The following VAV3 variants were observed in gnomAD, a reference collection of about 807,000 sequenced individuals.
The protein encoded by VAV3 is vav guanine nucleotide exchange factor 3.
VAV3 carries 94 observed loss-of-function variants against 131.2 expected under a neutral mutation model. The ratio of observed to expected loss-of-function variants is 0.72; its 90% CI spans 0.61 to 0.85. The LOEUF is 0.85. Ranked by LOEUF, VAV3 falls within the 40% of genes least tolerant of loss-of-function variation. The pLI is 0.00. For synonymous variants in VAV3, 349 were observed against 342.0 expected (o/e 1.02, Z -0.22); for missense variants, 939 against 1,002.7 (o/e 0.94, Z 0.86).
chr1:107,871,366 GA>G (rs947455080), intron 2 of VAV3, among the ~76,000 whole-genome samples: 5 of 147,538 alleles, frequency 3.4e-5, no homozygotes, highest in African/African-American at 1.3e-4. Flanking sequence ...AGCAGTCTTA[GA>G]AAAGAAATCT....
intron 19 of VAV3, among the ~76,000 whole-genome samples, chr1:107,675,572 T>G (rs192189750): frequency 2.0e-5 from 3 of 152,316 alleles, no homozygotes; most frequent in Admixed American, 2.0e-4. Context: ...CTTTCCTCAT[T>G]ACTCCTTTAT....
chr1:107,890,976 T>G (rs931762722), intron 1 of VAV3, among the ~76,000 whole-genome samples: 1 of 150,502 alleles, frequency 6.6e-6, no homozygotes, highest in Admixed American at 6.6e-5. Flanking sequence ...ATTTTGGTTT[T>G]TTTAATCTAA....
At chr1:107,754,683 C>A (rs1031695486) in intron 12 of VAV3, among the ~76,000 whole-genome samples, 2 of 152,194 alleles carry the variant, frequency 1.3e-5, no homozygotes, top group Admixed American at 1.3e-4. Context: ...CCTGCCCATT[C>A]CTCATGGCTC....
intron 19 of VAV3, among the ~76,000 whole-genome samples, chr1:107,653,337 T>C (rs1656312282): frequency 6.6e-6 from 1 of 151,950 alleles, no homozygotes; most frequent in Non-Finnish European, 1.5e-5. Flanking sequence ...TCTACCCTTC[T>C]TACAAACATT....
chr1:107,588,189 A>T (rs1170646018), intron 25 of VAV3, among the ~76,000 whole-genome samples: 1 of 152,224 alleles, frequency 6.6e-6, no homozygotes, highest in Non-Finnish European at 1.5e-5. Flanking sequence ...GAAGCCCAGC[A>T]TCACTTACTA....
In VAV3 at chr1:107,796,370, T is replaced by G. The variant is rs138444886; in HGVS notation, c.322-16878A>C. Among the ~76,000 whole-genome samples the G allele has an allele frequency of 4.7e-3, 714 of 152,154 alleles. 2 individuals are homozygous for G. Among genetic ancestry groups the G allele is most frequent in the Non-Finnish European group, 8.6e-3 (585 of 67,990 alleles). On this transcript the variant is annotated intron_variant, in intron 2 of 26. Coordinates refer to ENST00000370056, the MANE Select transcript of VAV3 (RefSeq NM_006113.5). ...TATCAGTGAGCAAACAGCGAACCAG[T>G]CTCATTGGTTATTTTTTCCTTTTTT...
intron 1 of VAV3, among the ~76,000 whole-genome samples, chr1:107,915,672 T>G (rs191457975): frequency 2.0e-5 from 3 of 152,334 alleles, no homozygotes; most frequent in Admixed American, 2.0e-4. Flanking sequence ...ATGAGCACCC[T>G]GTGGACAGGG....
chr1:107,715,736 C>A (rs1661054564), intron 15 of VAV3, among the ~76,000 whole-genome samples: 1 of 152,178 alleles, frequency 6.6e-6, no homozygotes, highest in Non-Finnish European at 1.5e-5. Context: ...AACAGCAACA[C>A]ATCTCCCACT....
intron 2 of VAV3, among the ~76,000 whole-genome samples, chr1:107,822,024 G>A (rs1009323718): frequency 1.6e-4 from 24 of 152,172 alleles, no homozygotes; most frequent in African/African-American, 2.4e-5. Flanking sequence ...GCCAGCTTCA[G>A]TGCCTTATCT....
At chr1:107,691,654 A>G (rs1659431675) in intron 17 of VAV3, among the ~76,000 whole-genome samples, 1 of 152,180 alleles carries the variant, frequency 6.6e-6, no homozygotes, top group Non-Finnish European at 1.5e-5. Flanking sequence ...CCTACTTCTC[A>G]GATTCCTATT....
chr1:107,777,234 A>G lies in VAV3; in HGVS notation c.443T>C (p.Ile148Thr). Residue 148 changes from isoleucine to threonine, a missense_variant, in exon 4 of 27, where the codon ATA (isoleucine) becomes ACA (threonine). By Grantham distance (89) the Ile-to-Thr change is moderately conservative. Transcript: ENST00000370056. The stretch of plus-strand genomic sequence containing the variant: ...TTGCTTGAAATTTTCAACATACTCT[A>G]TTAAATCAGGAAGGCCTTTGTAGAT... ...EDIYKGLPDL[I>T]DETLVEDEED... The G allele has an allele frequency of 1.2e-6, 2 of 1,613,916 alleles. No individual in the cohort carries two copies. Among genetic ancestry groups the G allele is most frequent in the Non-Finnish European group, 1.7e-6 (2 of 1,179,846 alleles).
intron 20 of VAV3, among the ~76,000 whole-genome samples, chr1:107,627,047 T>A (rs1245410088): frequency 6.6e-6 from 1 of 152,178 alleles, no homozygotes; most frequent in Non-Finnish European, 1.5e-5. Context: ...AGTGACTGAT[T>A]TCTGAAGTTT....
chr1:107,679,524 A>G (rs529339175), intron 19 of VAV3, among the ~76,000 whole-genome samples: 2 of 152,336 alleles, frequency 1.3e-5, no homozygotes, highest in South Asian at 4.1e-4. Context: ...GCAGGATGCT[A>G]TGAGTTCCAC....
chr1:107,879,581 T>C (rs1670666056), intron 1 of VAV3, among the ~76,000 whole-genome samples: 1 of 152,166 alleles, frequency 6.6e-6, no homozygotes, highest in East Asian at 1.9e-4. Flanking sequence ...TATTCATTCT[T>C]TGAGATTAGA....
chr1:107,620,972 T>A (rs1246151515), intron 20 of VAV3, among the ~76,000 whole-genome samples: 1 of 152,086 alleles, frequency 6.6e-6, no homozygotes, highest in Non-Finnish European at 1.5e-5. Flanking sequence ...TAATTTTCCA[T>A]TCAAATCAGG....
chr1:107,962,802 C>T (rs373844422), intron 1 of VAV3, among the ~76,000 whole-genome samples: 13 of 152,284 alleles, frequency 8.5e-5, no homozygotes, highest in East Asian at 3.9e-4. Flanking sequence ...AAAAGTGCAA[C>T]GGCACAAAGA....
At chr1:107,658,754 G>T (rs1656777931) in intron 19 of VAV3, among the ~76,000 whole-genome samples, 1 of 152,166 alleles carries the variant, frequency 6.6e-6, no homozygotes, top group South Asian at 2.1e-4. Context: ...CTTCTTTTGA[G>T]AAGTGTCTGT....
At chr1:107,837,290 C>A (rs1303011785) in intron 2 of VAV3, among the ~76,000 whole-genome samples, 1 of 152,114 alleles carries the variant, frequency 6.6e-6, no homozygotes, top group Non-Finnish European at 1.5e-5. Context: ...AAATGTGATT[C>A]ACCACATAAA....
intron 2 of VAV3, among the ~76,000 whole-genome samples, chr1:107,820,008 G>A (rs1324382839): frequency 6.6e-6 from 1 of 152,104 alleles, no homozygotes; most frequent in African/African-American, 2.4e-5. Context: ...CACTGTTGGT[G>A]GGAATGTAAA....
Sources: gnomAD v4.1 joint callset for allele counts (sites outside exome capture counted in the v4.1 genomes callset) on GRCh38, gnomAD v4.1.1 for gene constraint, MANE v1.5 for transcripts, NCBI Gene and HGNC (gene_info 2026-07-23, HGNC 2026-07-21) for gene names.